PI4KA: variants seen among roughly 807,000 people sequenced by gnomAD.
The protein encoded by PI4KA is phosphatidylinositol 4-kinase alpha.
PI4KA carries 122 observed loss-of-function variants against 271.4 expected under a neutral mutation model. The ratio of observed to expected loss-of-function variants is 0.45; its 90% CI spans 0.39 to 0.52. The LOEUF is 0.52. Among genes scored for constraint, PI4KA ranks in the 20% least tolerant of loss-of-function variants. PI4KA has a pLI of 0.00. For missense variants in PI4KA, 1,969 were observed against 2,769.1 expected (o/e 0.71, Z 6.48); for synonymous variants, 1,041 against 1,078.8 (o/e 0.96, Z 0.69).
chr22:20,773,090 C>CA (rs1932962115), intron 19 of PI4KA, among the ~76,000 whole-genome samples: 1 of 151,474 alleles, frequency 6.6e-6, no homozygotes, highest in Admixed American at 6.6e-5. Context: ...GACCCTGTCT[C>CA]AAAAAACACA....
In PI4KA at chr22:20,731,853, C is replaced by T. The variant is rs186758196; in HGVS notation, c.4288+1118G>A. Among the ~76,000 whole-genome samples the T allele has an allele frequency of 2.6e-3, 390 of 151,724 alleles. 4 individuals carry two copies. Among genetic ancestry groups the T allele is most frequent in the African/African-American group, 8.9e-3 (369 of 41,256 alleles). On this transcript the variant is annotated intron_variant, in intron 36 of 54. Coordinates refer to ENST00000255882, the MANE Select transcript of PI4KA (RefSeq NM_058004.4). The stretch of plus-strand genomic sequence containing the variant: ...CTGAAGCAGGAGAATGGTGTGAACC[C>T]GGGAGGCGGAGCTTGCAGTGAGCGG...
intron 50 of PI4KA, chr22:20,712,272 G>A (rs1340134859): frequency 1.7e-6 from 1 of 593,864 alleles, no homozygotes; most frequent in African/African-American, 2.0e-5. Flanking sequence ...GGCCAGGATG[G>A]TTTTGATCTC....
chr22:20,781,881 T>C (rs1933826906), intron 19 of PI4KA, among the ~76,000 whole-genome samples: 1 of 152,180 alleles, frequency 6.6e-6, no homozygotes. Flanking sequence ...TTCCTTATCT[T>C]TATCACAGAG....
chr22:20,773,115 G>C (rs561485779), intron 19 of PI4KA, among the ~76,000 whole-genome samples: 1 of 152,176 alleles, frequency 6.6e-6, no homozygotes, highest in South Asian at 2.1e-4. Flanking sequence ...GCCAGGCGTG[G>C]TGGCTCACGC....
At chr22:20,736,759 G>A (rs1477832172) in intron 32 of PI4KA, 2 of 155,568 alleles carry the variant, frequency 1.3e-5, no homozygotes, top group Non-Finnish European at 2.8e-5. Context: ...AGTGAATGGA[G>A]GGACCTCGCT....
intron 52 of PI4KA, 149 bp downstream of exon 52, chr22:20,710,550 C>T (rs923292839): frequency 1.4e-6 from 1 of 694,144 alleles, no homozygotes; most frequent in South Asian, 1.9e-5. Context: ...GGTGGGCAGA[C>T]AGAGGTGACC....
chr22:20,742,749 G>C lies in PI4KA; in HGVS notation c.3472C>G (p.Arg1158Gly), dbSNP rs199713731. Reference sequence around the variant, plus strand: ...ATCTGGCCTGTGGTGCCTGAGAACCGAATCATTCCATACACCTGCAAAAAC... The same window carrying C: ...ATCTGGCCTGTGGTGCCTGAGAACCCAATCATTCCATACACCTGCAAAAAC... Reference protein sequence around the residue: ...RYAGEVYGMIRFSGTTGQMSD... With the variant: ...RYAGEVYGMIGFSGTTGQMSD... The change falls in exon 31 of 55, where the codon CGG becomes GGG. Residue 1158 changes from arginine to glycine, a missense_variant. By Grantham distance (125) the Arg-to-Gly change is moderately radical (BLOSUM62 -2). Transcript: ENST00000255882. The C allele has an allele frequency of 6.2e-7, 1 of 1,613,928 alleles. No individual in the cohort carries two copies. The highest frequency in any genetic ancestry group is 1.7e-5 in the Admixed American group (1 of 60,010).
At chr22:20,745,742 G>A (rs1321089605) in intron 29 of PI4KA, among the ~76,000 whole-genome samples, 2 of 152,096 alleles carry the variant, frequency 1.3e-5, no homozygotes, top group Admixed American at 1.3e-4. Context: ...ATGTCTCTGA[G>A]CCTCAATGTG....
intron 17 of PI4KA, 185 bp downstream of exon 17, chr22:20,798,399 C>G: frequency 1.7e-6 from 1 of 582,266 alleles, no homozygotes; most frequent in Non-Finnish European, 3.1e-6. Flanking sequence ...CGCTGAGATG[C>G]TCAGTGGTCA....
At position 20,707,924 on chromosome 22, in the gene PI4KA, G is replaced by T; in HGVS notation, c.*123C>A. 1 of 899,362 alleles carries T rather than the reference G, an allele frequency of 1.1e-6. No homozygotes were observed. The highest frequency in any genetic ancestry group is 1.9e-6 in the Non-Finnish European group (1 of 529,988). 55.7% of individuals were successfully genotyped at this position (899,362 alleles called of 1,614,324 possible). ...GTGCTGCCCCAGGAGGCGCTACCAG[G>T]TTCTTTGGGCCACAGGCCTCTCCTC... On this transcript the variant is annotated 3_prime_UTR_variant, in exon 55 of 55. Coordinates refer to ENST00000255882, the MANE Select transcript of PI4KA (RefSeq NM_058004.4).
intron 45 of PI4KA, among the ~76,000 whole-genome samples, chr22:20,715,126 A>T (rs1166790471): frequency 1.3e-5 from 2 of 150,560 alleles, no homozygotes; most frequent in African/African-American, 4.9e-5. Context: ...GCTGGAGTGC[A>T]GTGGTGCGAT....
At chr22:20,855,451 A>G (rs1398600749) in intron 1 of PI4KA, among the ~76,000 whole-genome samples, 1 of 152,160 alleles carries the variant, frequency 6.6e-6, no homozygotes, top group Non-Finnish European at 1.5e-5. Flanking sequence ...CACTTACAGA[A>G]GCCTCCTCTA....
intron 3 of PI4KA, among the ~76,000 whole-genome samples, chr22:20,832,671 T>C (rs1404875509): frequency 6.6e-6 from 1 of 152,078 alleles, no homozygotes; most frequent in Non-Finnish European, 1.5e-5. Flanking sequence ...GCCAAGCTGG[T>C]CTCGAACTCC....
At chr22:20,786,173 G>T (rs201834008) in intron 19 of PI4KA, 2 of 1,613,066 alleles carry the variant, frequency 1.2e-6, no homozygotes, top group East Asian at 2.2e-5. Flanking sequence ...GTCCACCCCC[G>T]ACCCGTCCCC....
chr22:20,821,885 G>A (rs987763793), intron 4 of PI4KA, among the ~76,000 whole-genome samples: 1 of 152,170 alleles, frequency 6.6e-6, no homozygotes. Flanking sequence ...ATGAGCCACT[G>A]TGCCCAGCCA....
At chr22:20,769,185 T>C (rs1476088575) in intron 19 of PI4KA, among the ~76,000 whole-genome samples, 1 of 152,156 alleles carries the variant, frequency 6.6e-6, no homozygotes, top group East Asian at 1.9e-4. Flanking sequence ...AAAGAGGAAG[T>C]AAGTGGACTC....
chr22:20,747,992 T>A (rs775962406), intron 28 of PI4KA, among the ~76,000 whole-genome samples: 1 of 152,196 alleles, frequency 6.6e-6, no homozygotes, highest in Non-Finnish European at 1.5e-5. Flanking sequence ...CGCCTCAGCA[T>A]CCCAAAATGT....
chr22:20,852,953 C>T (rs963716925), intron 1 of PI4KA, among the ~76,000 whole-genome samples: 1 of 152,144 alleles, frequency 6.6e-6, no homozygotes, highest in Non-Finnish European at 1.5e-5. Flanking sequence ...AACATCAGAT[C>T]GGGCTGGGTG....
chr22:20,733,076 G>C lies in PI4KA; in HGVS notation c.4183C>G (p.Gln1395Glu). 1.2e-6 allele frequency: 2 copies of C among 1,611,978 alleles called. No individual in the cohort carries two copies. Among genetic ancestry groups the C allele is most frequent in the Non-Finnish European group, 1.7e-6 (2 of 1,179,832 alleles). Residue 1395 changes from glutamine to glutamate, a missense_variant, in exon 36 of 55, where the codon CAA becomes GAA. By Grantham distance (29) the Gln-to-Glu change is conservative. This residue lies in a region of PI4KA where 72 missense variants were observed against 103.1 expected (regional missense o/e 0.70). Coordinates refer to ENST00000255882, the MANE Select transcript of PI4KA (RefSeq NM_058004.4). Reference sequence around the variant, plus strand: ...TCTTCACGCAGCCGCTTCTCTCCTTGAGTAGGGAACTTTGGGGGACAGCTT... The same window carrying C: ...TCTTCACGCAGCCGCTTCTCTCCTTCAGTAGGGAACTTTGGGGGACAGCTT... ...YFSCPPKFPT[Q>E]GEKRLREDIS...
Sources: gnomAD v4.1 joint callset for allele counts (sites outside exome capture counted in the v4.1 genomes callset) on GRCh38, gnomAD v4.1.1 for gene constraint, gnomAD v4.1.1 regional missense constraint, MANE v1.5 for transcripts, NCBI Gene and HGNC (gene_info 2026-07-23, HGNC 2026-07-21) for gene names.